Variants in NCOA2 observed in about 807,000 individuals in gnomAD.
NCOA2 encodes the protein class E basic helix-loop-helix protein 75.
In NCOA2, 21 loss-of-function variants were observed where a neutral mutation model predicts 145.1. The observed-to-expected ratio is 0.14, with a 90% CI of 0.10 to 0.21. The LOEUF is 0.21. Ranked by LOEUF, NCOA2 falls within the 10% of genes least tolerant of loss-of-function variation. The probability of loss-of-function intolerance (pLI) is 1.00; values close to 1 mark genes in which losing one functional copy is unlikely to be tolerated. For missense variants in NCOA2, 1,472 were observed against 1,837.6 expected (o/e 0.80, Z 3.64); for synonymous variants, 619 against 637.5 (o/e 0.97, Z 0.44).
chr8:70,391,033 G>A (rs535786095), intron 1 of NCOA2, among the ~76,000 whole-genome samples: 1 of 152,312 alleles, frequency 6.6e-6, no homozygotes, highest in African/African-American at 2.4e-5. Context: ...GTAGGAAAGA[G>A]AAAAGGTAAG....
chr8:70,288,276 CT>C lies in NCOA2; in HGVS notation c.-20+8467del, dbSNP rs770871122. Among the ~76,000 whole-genome samples the C allele has an allele frequency of 1.4e-3, 212 of 151,532 alleles. 2 individuals carry two copies. The highest frequency in any genetic ancestry group is 2.7e-3 in the Non-Finnish European group (182 of 67,782). On this transcript the variant is annotated intron_variant, in intron 2 of 22. Coordinates refer to ENST00000452400, the MANE Select transcript of NCOA2 (RefSeq NM_006540.4). ...GAAAGAGGAAGGGTTATTTTTTTTC[CT>C]TTTAAAAATATGGAGGAAATAGGCC... is the stretch of plus-strand genomic sequence containing the variant.
In NCOA2 at chr8:70,156,303, T is replaced by G; in HGVS notation, c.2062A>C (p.Lys688Gln). Residue 688 changes from lysine to glutamine, a missense_variant, in exon 11 of 23, where the codon AAA becomes CAA. Physicochemically the swap from Lys to Gln is moderately conservative, Grantham distance 53 (BLOSUM62 1). Transcript: ENST00000452400. ...TCCTGCAAGAGTCTGTGCAAAATTT[T>G]ATGCTTCTCCTTGAGCGAGGTTCCA... Reference protein sequence around the residue: ...THGTSLKEKHKILHRLLQDSS... With the variant: ...THGTSLKEKHQILHRLLQDSS... The G allele has an allele frequency of 1.2e-6, 2 of 1,613,962 alleles. No individual in the cohort carries two copies. The highest frequency in any genetic ancestry group is 1.7e-6 in the Non-Finnish European group (2 of 1,179,882).
chr8:70,221,274 T>G (rs990782590), intron 2 of NCOA2, among the ~76,000 whole-genome samples: 1 of 152,288 alleles, frequency 6.6e-6, no homozygotes, highest in East Asian at 1.9e-4. Context: ...TTAACTAAAC[T>G]ACAGAAGGAT....
chr8:70,163,954 T>C (rs1180064193), intron 7 of NCOA2, among the ~76,000 whole-genome samples: 1 of 152,194 alleles, frequency 6.6e-6, no homozygotes, highest in Non-Finnish European at 1.5e-5. Flanking sequence ...AGTACAAAAA[T>C]GATGAAACTA....
At chr8:70,225,569 A>G (rs1820557537) in intron 2 of NCOA2, among the ~76,000 whole-genome samples, 1 of 151,666 alleles carries the variant, frequency 6.6e-6, no homozygotes, top group Admixed American at 6.6e-5. Flanking sequence ...AGAAAAGAAA[A>G]GAAAGAAAAG....
At position 70,111,294 on chromosome 8, in the gene NCOA2, G is replaced by C. The variant is rs1419252477; in HGVS notation, c.*2338C>G. 4.4e-6 allele frequency: 1 copy of C among 226,590 alleles called. No individual in the cohort carries two copies. The highest frequency in any genetic ancestry group is 8.8e-6 in the Non-Finnish European group (1 of 114,000). 14.0% of individuals were successfully genotyped at this position (226,590 alleles called of 1,614,324 possible). Reference sequence around the variant, plus strand: ...TTTGGACGGTGTTGTAGTGAAAAGGGACTTGAAACTCAAAACAAAACAAAT... The same window carrying C: ...TTTGGACGGTGTTGTAGTGAAAAGGCACTTGAAACTCAAAACAAAACAAAT... On this transcript the variant is annotated 3_prime_UTR_variant, in exon 23 of 23. Transcript: ENST00000452400.
chr8:70,333,382 T>C (rs956637134), intron 1 of NCOA2, among the ~76,000 whole-genome samples: 3 of 152,176 alleles, frequency 2.0e-5, no homozygotes, highest in Non-Finnish European at 2.9e-5. Context: ...GCCACTGCTA[T>C]TGAAGTACAT....
chr8:70,413,292 C>T, the NCOA2 span, among the ~76,000 whole-genome samples: 5 of 152,102 alleles, frequency 3.3e-5, no homozygotes, highest in African/African-American at 1.2e-4. Context: ...ACCCTCAACA[C>T]TATCCATCTC....
At chr8:70,413,609 C>G in the NCOA2 span, among the ~76,000 whole-genome samples, 6 of 152,062 alleles carry the variant, frequency 3.9e-5, no homozygotes, top group Non-Finnish European at 2.9e-5. Context: ...AGTAATATAC[C>G]CTTCACTTCT....
intron 2 of NCOA2, among the ~76,000 whole-genome samples, chr8:70,229,853 C>T (rs768485425): frequency 1.6e-4 from 25 of 152,196 alleles, no homozygotes; most frequent in Admixed American, 7.2e-4. Flanking sequence ...ATGTAAGAAC[C>T]GCTGCCCTAA....
intron 1 of NCOA2, among the ~76,000 whole-genome samples, chr8:70,326,539 T>A (rs1475913849): frequency 6.6e-6 from 1 of 152,082 alleles, no homozygotes; most frequent in African/African-American, 2.4e-5. Flanking sequence ...GGAGGACATG[T>A]CTTTCATAAA....
Position 70,110,878 on chromosome 8 carries a change from T to A in NCOA2, c.*2754A>T, listed in dbSNP as rs768145747. Reference sequence around the variant, plus strand: ...AACCAAGTTAATGTATGTATACTTTTCACATTATGTTTTTCACATTTAGTA... The same window carrying A: ...AACCAAGTTAATGTATGTATACTTTACACATTATGTTTTTCACATTTAGTA... On this transcript the variant is annotated 3_prime_UTR_variant, in exon 23 of 23. Transcript: ENST00000452400. 2.3e-5 allele frequency: 5 copies of A among 221,124 alleles called. No homozygotes were observed. 13.7% of individuals were successfully genotyped at this position (221,124 alleles called of 1,614,324 possible). A position where few individuals can be genotyped will look rare whatever the true frequency, so the allele number is the denominator to read the frequency against.
At chr8:70,407,816 A>G (rs1814806117), upstream of NCOA2, among the ~76,000 whole-genome samples, 1 of 152,112 alleles carries the variant, frequency 6.6e-6, no homozygotes, top group South Asian at 2.1e-4. Context: ...TGCATACTCA[A>G]TAAATGATCA....
chr8:70,137,545 G>GT (rs1195257756), intron 15 of NCOA2, among the ~76,000 whole-genome samples: 4 of 152,296 alleles, frequency 2.6e-5, no homozygotes, highest in African/African-American at 9.6e-5. Context: ...TCAAATAAAC[G>GT]TATCTAGAAA....
chr8:70,441,605 A>AAAGC, the NCOA2 span, among the ~76,000 whole-genome samples: 10 of 151,342 alleles, frequency 6.6e-5, no homozygotes, highest in East Asian at 2.0e-3. Flanking sequence ...AGAGAGAGAG[A>AAAGC]AAGCAAGCAA....
In NCOA2 at chr8:70,159,218, A is replaced by ATTATATATATATATATATAT. The variant is rs1554578421; in HGVS notation, c.1124+286_1124+287insATATATATATATATATATAA. ...AGTTATAATACAAATAATACAGTAT[A>ATTATATATATATATATATAT]ACATTATATATATATATATATATAT... On this transcript the variant is annotated intron_variant, in intron 10 of 22. Coordinates refer to ENST00000452400, the MANE Select transcript of NCOA2 (RefSeq NM_006540.4). Among the ~76,000 whole-genome samples, 176 of 112,974 alleles carry ATTATATATATATATATATAT rather than the reference A, an allele frequency of 1.6e-3. 2 individuals carry two copies. The highest frequency in any genetic ancestry group is 6.0e-3 in the African/African-American group (156 of 26,032). 74.1% of individuals were successfully genotyped at this position (112,974 alleles called of 152,430 possible). A position where few individuals can be genotyped will look rare whatever the true frequency, so the allele number is the denominator to read the frequency against.
the NCOA2 span, among the ~76,000 whole-genome samples, chr8:70,428,768 C>A: frequency 2.0e-5 from 3 of 151,900 alleles, no homozygotes; most frequent in Non-Finnish European, 4.4e-5. Context: ...GTGCCCAAAG[C>A]AAGGCAGCAT....
At chr8:70,305,421 A>T (rs1277353829) in intron 1 of NCOA2, among the ~76,000 whole-genome samples, 2 of 152,174 alleles carry the variant, frequency 1.3e-5, no homozygotes, top group African/African-American at 4.8e-5. Context: ...GAGAACATTA[A>T]TTTTTTAAAA....
Position 70,314,010 on chromosome 8 carries a change from T to A in NCOA2, c.-76-17210A>T, listed in dbSNP as rs559770148. ...GTGAAACCCCATCCCTACTAAAAAATATATATATATATACAAAAAATTAGC... is the reference window on the plus strand; with the variant it reads ...GTGAAACCCCATCCCTACTAAAAAAAATATATATATATACAAAAAATTAGC... On this transcript the variant is annotated intron_variant, in intron 1 of 22. Transcript: ENST00000452400. Among the ~76,000 whole-genome samples, 344 of 149,846 alleles carry A rather than the reference T, an allele frequency of 2.3e-3. 2 individuals carry two copies. Among genetic ancestry groups the A allele is most frequent in the Non-Finnish European group, 3.2e-3 (218 of 67,372 alleles).
Sources: gnomAD v4.1 joint callset for allele counts (sites outside exome capture counted in the v4.1 genomes callset) on GRCh38, gnomAD v4.1.1 for gene constraint, MANE v1.5 for transcripts, NCBI Gene and HGNC (gene_info 2026-07-23, HGNC 2026-07-21) for gene names.